Variants in EYA1 observed in about 807,000 individuals in gnomAD.
EYA1 encodes EYA transcriptional coactivator and phosphatase 1.
Under a neutral mutation model 82.0 loss-of-function variants are expected in EYA1, and 16 were observed. That is an observed-to-expected ratio of 0.20 (90% CI 0.13 to 0.30). The LOEUF (loss-of-function observed/expected upper bound fraction) is 0.30, where lower values mean the gene tolerates loss of function less well. Among genes scored for constraint, EYA1 ranks in the 10% least tolerant of loss-of-function variants. The pLI, the probability that EYA1 is intolerant of heterozygous loss-of-function variation, is 1.00. For synonymous variants in EYA1, 261 were observed against 264.4 expected, an observed-to-expected ratio of 0.99 and a Z score of 0.12; for missense variants, 633 against 730.7, an observed-to-expected ratio of 0.87 and a Z score of 1.54.
chr8:71,212,547 C>CA (rs887336293), intron 16 of EYA1, among the ~76,000 whole-genome samples: 7 of 151,996 alleles, frequency 4.6e-5, no homozygotes, highest in African/African-American at 7.3e-5. Context: ...TTGTGGTAGA[C>CA]AAAAAAAATC....
chr8:71,333,728 C>T lies in EYA1; in HGVS notation c.202+369G>A, dbSNP rs78364139. ...ATGACTTGGCGAGTCTGCTTAGAAG[C>T]GTAAAACACCAAATTTTGCCTAACC... On this transcript the variant is annotated intron_variant, in intron 4 of 17. Transcript: ENST00000340726. Among the ~76,000 whole-genome samples, 638 of 152,196 alleles carry T rather than the reference C, an allele frequency of 4.2e-3. 2 individuals carry two copies. The highest frequency in any genetic ancestry group is 0.015 in the African/African-American group (615 of 41,538).
chr8:71,234,957 T>G (rs1811654646), intron 12 of EYA1, among the ~76,000 whole-genome samples: 1 of 152,122 alleles, frequency 6.6e-6, no homozygotes, highest in African/African-American at 2.4e-5. Context: ...TGATCACTTT[T>G]CCAGTACTCA....
At chr8:71,508,426 A>T (rs1563686102) in intron 2 of EYA1, among the ~76,000 whole-genome samples, 2 of 152,142 alleles carry the variant, frequency 1.3e-5, no homozygotes, top group Admixed American at 6.6e-5. Context: ...GGCACACAAC[A>T]CCAAGCCCAG....
At chr8:71,493,979 C>T (rs928868780) in intron 2 of EYA1, among the ~76,000 whole-genome samples, 15 of 131,580 alleles carry the variant, frequency 1.1e-4, no homozygotes, top group African/African-American at 3.7e-4. Context: ...GCCGAGATCC[C>T]GCCACTGCAC....
chr8:71,220,064 C>A (rs1215018574), intron 12 of EYA1, among the ~76,000 whole-genome samples: 1 of 152,054 alleles, frequency 6.6e-6, no homozygotes, highest in Non-Finnish European at 1.5e-5. Flanking sequence ...ACAGCAGCAA[C>A]CTGGTTTAAA....
intron 2 of EYA1, among the ~76,000 whole-genome samples, chr8:71,476,915 C>T (rs78235190): frequency 0.058 from 8,760 of 152,076 alleles, 830 homozygotes; most frequent in African/African-American, 0.2. Context: ...GATCCAAAAA[C>T]ACACCCACAC....
At chr8:71,300,231 G>C (rs186335822) in intron 7 of EYA1, among the ~76,000 whole-genome samples, 1 of 152,078 alleles carries the variant, frequency 6.6e-6, no homozygotes, top group African/African-American at 2.4e-5. Flanking sequence ...TGATAAATTT[G>C]ACACAACAAA....
chr8:71,234,045 CTTTGAT>C (rs1257003451), intron 12 of EYA1, among the ~76,000 whole-genome samples: 1 of 152,164 alleles, frequency 6.6e-6, no homozygotes, highest in East Asian at 1.9e-4. Context: ...GAACCAGCTC[CTTTGAT>C]CATGACCAAA....
chr8:71,321,193 C>G (rs1243842446), intron 6 of EYA1, among the ~76,000 whole-genome samples: 1 of 152,042 alleles, frequency 6.6e-6, no homozygotes, highest in African/African-American at 2.4e-5. Context: ...TCCATGTGAG[C>G]CTTAAATGTT....
At chr8:71,493,413 G>T (rs1294401059) in intron 2 of EYA1, among the ~76,000 whole-genome samples, 1 of 152,108 alleles carries the variant, frequency 6.6e-6, no homozygotes, top group Non-Finnish European at 1.5e-5. Context: ...TGCCCATGTG[G>T]TTTATCCAGT....
intron 2 of EYA1, among the ~76,000 whole-genome samples, chr8:71,442,092 G>A (rs1806473037): frequency 6.6e-6 from 1 of 152,170 alleles, no homozygotes; most frequent in Admixed American, 6.5e-5. Context: ...ATGGTATTTT[G>A]TTATAATAGT....
At chr8:71,438,632 A>G (rs1010386627) in intron 2 of EYA1, among the ~76,000 whole-genome samples, 5 of 152,156 alleles carry the variant, frequency 3.3e-5, no homozygotes, top group African/African-American at 4.8e-5. Flanking sequence ...GAGGGTTACA[A>G]TGATGCCTGA....
intron 11 of EYA1, among the ~76,000 whole-genome samples, chr8:71,259,120 G>C (rs1814791970): frequency 6.6e-6 from 1 of 152,128 alleles, no homozygotes; most frequent in African/African-American, 2.4e-5. Context: ...TATAAATCCA[G>C]CAGCTTTCTC....
chr8:71,318,945 T>C (rs1038507266), intron 6 of EYA1, among the ~76,000 whole-genome samples: 24 of 152,108 alleles, frequency 1.6e-4, no homozygotes, highest in African/African-American at 5.3e-4. Context: ...CCCAAACCAA[T>C]GAATAACCCA....
upstream of EYA1, among the ~76,000 whole-genome samples, chr8:71,363,796 T>C (rs938686309): frequency 6.6e-6 from 1 of 152,196 alleles, no homozygotes; most frequent in Non-Finnish European, 1.5e-5. Flanking sequence ...AAATTTGAGA[T>C]GTTGGAGAAT....
chr8:71,278,238 T>G (rs1182271614), intron 9 of EYA1, among the ~76,000 whole-genome samples: 1 of 152,224 alleles, frequency 6.6e-6, no homozygotes, highest in East Asian at 1.9e-4. Context: ...ATTAGTTACC[T>G]TCATATTAAT....
chr8:71,401,102 C>T (rs990066568), intron 2 of EYA1, among the ~76,000 whole-genome samples: 18 of 152,110 alleles, frequency 1.2e-4, no homozygotes, highest in Admixed American at 9.2e-4. Flanking sequence ...CACATGGACA[C>T]AGGGAGGGGA....
In EYA1 at chr8:71,426,987, A is replaced by G. The variant is rs187139004; in HGVS notation, c.34-70476T>C. On this transcript the variant is annotated intron_variant, in intron 2 of 18. Coordinates refer to the EYA1 transcript ENST00000643681. The stretch of plus-strand genomic sequence containing the variant: ...TTTGAAGCCATGACCCAAAATTTGC[A>G]TAAGATAGATTGTACAGTAGTATAA... Among the ~76,000 whole-genome samples, 28 of 152,380 alleles carry G rather than the reference A, an allele frequency of 1.8e-4. No individual in the cohort carries two copies. The East Asian group carries it at 5.2e-3, about 28-fold the overall frequency.
intron 4 of EYA1, among the ~76,000 whole-genome samples, chr8:71,322,683 C>T (rs1331844627): frequency 6.6e-6 from 1 of 152,096 alleles, no homozygotes; most frequent in African/African-American, 2.4e-5. Context: ...ATTGTTTGTG[C>T]TCAGCAAGAA....
Sources: gnomAD v4.1 joint callset for allele counts (sites outside exome capture counted in the v4.1 genomes callset) on GRCh38, gnomAD v4.1.1 for gene constraint, MANE v1.5 for transcripts, NCBI Gene and HGNC (gene_info 2026-07-23, HGNC 2026-07-21) for gene names.